The following EPB41L4A variants were observed in gnomAD, a reference collection of about 807,000 sequenced individuals.
EPB41L4A encodes the protein band 4.1-like protein 4A.
A neutral mutation model predicts 108.6 loss-of-function variants in EPB41L4A; 100 were observed. The ratio of observed to expected loss-of-function variants is 0.92; its 90% CI spans 0.78 to 1.09. The LOEUF is 1.09. Ranked by LOEUF, EPB41L4A falls within the 50% of genes least tolerant of loss-of-function variation. EPB41L4A has a pLI of 0.00. For missense variants in EPB41L4A, 1,030 were observed against 842.7 expected, an observed-to-expected ratio of 1.22 and a Z score of -2.75; for synonymous variants, 319 against 289.0, an observed-to-expected ratio of 1.10 and a Z score of -1.05.
intron 1 of EPB41L4A, among the ~76,000 whole-genome samples, chr5:112,350,908 T>C (rs1469474149): frequency 2.0e-5 from 3 of 152,360 alleles, no homozygotes; most frequent in East Asian, 1.9e-4. Flanking sequence ...ATCTTTGCTA[T>C]TGTGACTAAT....
At chr5:112,348,794 CTATT>C (rs768702044) in intron 1 of EPB41L4A, among the ~76,000 whole-genome samples, 32 of 152,296 alleles carry the variant, frequency 2.1e-4, no homozygotes, top group South Asian at 6.2e-4. Context: ...CCCAAACAAG[CTATT>C]TATTTATTCC....
chr5:112,388,725 T>C (rs180923716), intron 1 of EPB41L4A, among the ~76,000 whole-genome samples: 13 of 152,318 alleles, frequency 8.5e-5, no homozygotes, highest in Admixed American at 8.5e-4. Context: ...AACTATTACA[T>C]GCAGGGATAG....
At chr5:112,244,448 TAGAG>T (rs1482370809) in intron 9 of EPB41L4A, among the ~76,000 whole-genome samples, 4 of 151,912 alleles carry the variant, frequency 2.6e-5, no homozygotes, top group South Asian at 2.1e-4. Flanking sequence ...GAAAGTTTAA[TAGAG>T]AGAAGAAAGG....
At chr5:112,358,458 G>A (rs1032277466) in intron 1 of EPB41L4A, among the ~76,000 whole-genome samples, 13 of 152,230 alleles carry the variant, frequency 8.5e-5, no homozygotes, top group African/African-American at 2.6e-4. Context: ...ATCCTGATAC[G>A]TACCCATGGT....
Position 112,275,339 on chromosome 5 carries a change from C to A in EPB41L4A, c.322G>T (p.Glu108Ter), listed in dbSNP as rs778805290. The A allele has an allele frequency of 1.3e-6, 2 of 1,552,948 alleles. No homozygotes were observed. The highest frequency in any genetic ancestry group is 1.8e-6 in the Non-Finnish European group (2 of 1,142,360). Residue 108 changes from glutamate to a stop codon, truncating the protein, a stop_gained, in exon 4 of 23, where the codon GAA becomes TAA. Transcript: ENST00000261486. LOFTEE classifies it high-confidence loss of function. ...TCAATACTATACCTGGTTATTTCTT[C>A]TTTAAGTTTACATGGATCTTCAGCA... ...FYAEDPCKLK[E>*]EITRYQFFLQ...
Position 112,205,420 on chromosome 5 carries a change from C to T in EPB41L4A, c.1262+1G>A. Reference sequence around the variant, plus strand: ...TTTATAAAAACAATGATTCCCTTTACCTCTGGGGGCCATTTTCTTCCCACG... The same window carrying T: ...TTTATAAAAACAATGATTCCCTTTATCTCTGGGGGCCATTTTCTTCCCACG... On this transcript the variant is annotated splice_donor_variant, in intron 14 of 22. Coordinates refer to ENST00000261486, the MANE Select transcript of EPB41L4A (RefSeq NM_022140.5). LOFTEE classifies it high-confidence loss of function. 6.2e-7 allele frequency: 1 copy of T among 1,612,180 alleles called. No individual in the cohort carries two copies. The highest frequency in any genetic ancestry group is 2.2e-5 in the East Asian group (1 of 44,860).
chr5:112,245,284 T>C (rs1750122853), intron 9 of EPB41L4A, among the ~76,000 whole-genome samples: 1 of 152,176 alleles, frequency 6.6e-6, no homozygotes. Context: ...CAAACTCAAG[T>C]CTCAAATGCA....
chr5:112,340,408 G>T (rs76399111), intron 1 of EPB41L4A, among the ~76,000 whole-genome samples: 20,379 of 152,174 alleles, frequency 0.13, 1,641 homozygotes, highest in East Asian at 0.33. Context: ...TGATGCTGCA[G>T]GTCCAGAGAA....
At chr5:112,305,940 C>T (rs1561556006) in intron 2 of EPB41L4A, among the ~76,000 whole-genome samples, 1 of 152,016 alleles carries the variant, frequency 6.6e-6, no homozygotes, top group African/African-American at 2.4e-5. Context: ...AATTTAAACC[C>T]TACAAAACTT....
chr5:112,180,869 C>G (rs1253552793), intron 18 of EPB41L4A, among the ~76,000 whole-genome samples: 1 of 151,938 alleles, frequency 6.6e-6, no homozygotes, highest in African/African-American at 2.4e-5. Context: ...AGAAAAAGGA[C>G]AAACAATCCA....
intron 1 of EPB41L4A, among the ~76,000 whole-genome samples, chr5:112,368,266 T>C (rs1310231521): frequency 1.3e-5 from 2 of 152,164 alleles, no homozygotes; most frequent in African/African-American, 4.8e-5. Flanking sequence ...TGTAAAATAT[T>C]CCCTCATCCC....
At chr5:112,376,375 C>T (rs185620878) in intron 1 of EPB41L4A, among the ~76,000 whole-genome samples, 61 of 152,206 alleles carry the variant, frequency 4.0e-4, no homozygotes, top group African/African-American at 1.1e-3. Context: ...TAAATAGTGA[C>T]GCCACCAAAT....
At chr5:112,398,992 GC>G (rs567504678) in intron 1 of EPB41L4A, among the ~76,000 whole-genome samples, 101 of 151,626 alleles carry the variant, frequency 6.7e-4, no homozygotes, top group Middle Eastern at 3.5e-3. Context: ...TGAGAAGTTA[GC>G]CCCATGTTAA....
intron 1 of EPB41L4A, among the ~76,000 whole-genome samples, chr5:112,334,183 C>A (rs1215404604): frequency 6.6e-6 from 1 of 152,142 alleles, no homozygotes; most frequent in African/African-American, 2.4e-5. Context: ...AACAAGATAC[C>A]AATTCCAACC....
At chr5:112,371,446 G>A (rs1000904938) in intron 1 of EPB41L4A, among the ~76,000 whole-genome samples, 1 of 152,182 alleles carries the variant, frequency 6.6e-6, no homozygotes, top group Admixed American at 6.5e-5. Flanking sequence ...CTGCAGTGCA[G>A]TACTTAAGAT....
chr5:112,296,956 G>A (rs1030169945), intron 2 of EPB41L4A, among the ~76,000 whole-genome samples: 3 of 151,342 alleles, frequency 2.0e-5, no homozygotes, highest in African/African-American at 7.3e-5. Flanking sequence ...TTTTATGGCT[G>A]AGTAGTATTC....
At chr5:112,209,108 C>G (rs887338053) in intron 13 of EPB41L4A, among the ~76,000 whole-genome samples, 1 of 152,244 alleles carries the variant, frequency 6.6e-6, no homozygotes, top group African/African-American at 2.4e-5. Flanking sequence ...AATGAAGCCA[C>G]TATTATTTAC....
At chr5:112,311,553 C>T (rs1755051437) in intron 1 of EPB41L4A, among the ~76,000 whole-genome samples, 2 of 152,304 alleles carry the variant, frequency 1.3e-5, no homozygotes, top group South Asian at 4.1e-4. Context: ...TCACTACAAC[C>T]TTTCGTAGTT....
chr5:112,194,090 T>C (rs774886302), intron 17 of EPB41L4A, among the ~76,000 whole-genome samples: 3 of 152,198 alleles, frequency 2.0e-5, no homozygotes, highest in South Asian at 2.1e-4. Flanking sequence ...ATCTTACATA[T>C]ATGGAATGTC....
Sources: allele counts gnomAD v4.1 joint callset (sites outside exome capture counted in the v4.1 genomes callset), GRCh38; gene constraint gnomAD v4.1.1; transcripts MANE v1.5; gene names NCBI Gene and HGNC (gene_info 2026-07-23, HGNC 2026-07-21).